CSMD1: variants seen among roughly 807,000 people sequenced by gnomAD.
The protein encoded by CSMD1 is CUB and Sushi multiple domains 1.
A neutral mutation model predicts 417.5 loss-of-function variants in CSMD1; 213 were observed. The observed-to-expected ratio is 0.51, with a 90% CI of 0.46 to 0.57. The LOEUF is 0.57. Among genes scored for constraint, CSMD1 ranks in the 20% least tolerant of loss-of-function variants. The pLI is 0.00. For synonymous variants in CSMD1, 2,862 were observed against 1,736.8 expected, an observed-to-expected ratio of 1.65 and a Z score of -16.11; for missense variants, 6,923 against 4,529.7, an observed-to-expected ratio of 1.53 and a Z score of -15.17.
At chr8:3,959,797 T>G (rs1391099292) in intron 5 of CSMD1, among the ~76,000 whole-genome samples, 1 of 152,164 alleles carries the variant, frequency 6.6e-6, no homozygotes, top group Non-Finnish European at 1.5e-5. Context: ...GCAGGTACTC[T>G]GACCTGTTAG....
chr8:4,714,095 A>G (rs1173798447), intron 1 of CSMD1, among the ~76,000 whole-genome samples: 1 of 152,110 alleles, frequency 6.6e-6, no homozygotes, highest in African/African-American at 2.4e-5. Flanking sequence ...CAGTGAGCCA[A>G]GATCATGCCA....
At chr8:4,831,854 C>T (rs940417576) in intron 1 of CSMD1, among the ~76,000 whole-genome samples, 2 of 152,016 alleles carry the variant, frequency 1.3e-5, no homozygotes, top group East Asian at 3.9e-4. Flanking sequence ...CAGTGTGTGC[C>T]ACATCCAGAA....
chr8:4,548,047 C>G (rs1242696907), intron 2 of CSMD1, among the ~76,000 whole-genome samples: 5 of 152,082 alleles, frequency 3.3e-5, no homozygotes, highest in Non-Finnish European at 5.9e-5. Flanking sequence ...ACAGCCAACC[C>G]TTGCAATATA....
intron 3 of CSMD1, among the ~76,000 whole-genome samples, chr8:4,061,196 G>C (rs1430688669): frequency 6.6e-6 from 1 of 152,134 alleles, no homozygotes; most frequent in Non-Finnish European, 1.5e-5. Flanking sequence ...TCTAACATGA[G>C]CCCTTTTAGG....
intron 1 of CSMD1, among the ~76,000 whole-genome samples, chr8:4,826,006 G>A (rs1433562104): frequency 6.6e-6 from 1 of 151,992 alleles, no homozygotes; most frequent in Non-Finnish European, 1.5e-5. Flanking sequence ...GGAGGATGTG[G>A]AGAAATTAGA....
intron 2 of CSMD1, among the ~76,000 whole-genome samples, chr8:4,630,702 G>A (rs1184441310): frequency 1.3e-5 from 2 of 152,118 alleles, no homozygotes; most frequent in Non-Finnish European, 2.9e-5. Flanking sequence ...AAACACCTCT[G>A]CTGTCCACCT....
At chr8:4,240,746 G>C (rs2128821426) in intron 3 of CSMD1, among the ~76,000 whole-genome samples, 1 of 151,944 alleles carries the variant, frequency 6.6e-6, no homozygotes, top group East Asian at 1.9e-4. Context: ...CCTTTTTTCT[G>C]TGCCCTTTGA....
intron 50 of CSMD1, among the ~76,000 whole-genome samples, chr8:3,039,510 C>T (rs954307919): frequency 6.7e-6 from 1 of 149,800 alleles, no homozygotes; most frequent in Admixed American, 6.7e-5. Flanking sequence ...TCCTTCTTTC[C>T]CTTCCTCCCT....
chr8:4,769,506 T>A (rs1044233718), intron 1 of CSMD1, among the ~76,000 whole-genome samples: 2 of 152,228 alleles, frequency 1.3e-5, no homozygotes, highest in African/African-American at 4.8e-5. Context: ...AAAAAAATTA[T>A]GAAATACTTA....
At chr8:3,718,535 T>C (rs1801968142) in intron 6 of CSMD1, among the ~76,000 whole-genome samples, 1 of 152,144 alleles carries the variant, frequency 6.6e-6, no homozygotes, top group African/African-American at 2.4e-5. Flanking sequence ...TCCTGATTGG[T>C]TATCAGAATC....
At chr8:3,011,650 A>T (rs116426065) in intron 52 of CSMD1, among the ~76,000 whole-genome samples, 2 of 152,208 alleles carry the variant, frequency 1.3e-5, no homozygotes, top group South Asian at 2.1e-4. Flanking sequence ...AAAAAATGAT[A>T]ATGTCCTCTA....
At position 4,288,131 on chromosome 8, in the gene CSMD1, G is replaced by A. The variant is rs917157826; in HGVS notation, c.415+131822C>T. Among the ~76,000 whole-genome samples, 5 of 152,130 alleles carry A rather than the reference G, an allele frequency of 3.3e-5. No homozygotes were observed. In the South Asian group the frequency reaches 1.0e-3, roughly 32 times the overall value. The stretch of plus-strand genomic sequence containing the variant: ...GCTAGCCATGCTTTCTGTTCCTGCA[G>A]CATTAAAGTTTGACTGAGAAAAGAA... On this transcript the variant is annotated intron_variant, in intron 3 of 69. Coordinates refer to ENST00000635120, the MANE Select transcript of CSMD1 (RefSeq NM_033225.6).
At chr8:3,058,282 T>C (rs2128992366) in intron 49 of CSMD1, among the ~76,000 whole-genome samples, 1 of 152,328 alleles carries the variant, frequency 6.6e-6, no homozygotes, top group Admixed American at 6.5e-5. Context: ...CTTCTTAAAA[T>C]TACTAGTACT....
rs150411962 is a variant in CSMD1 at position 4,734,569 on chromosome 8, G to C, written c.86-97011C>G. 1.7e-3 allele frequency among the ~76,000 whole-genome samples: 257 copies of C among 152,176 alleles called. 1 individual carries two copies. Among genetic ancestry groups the C allele is most frequent in the African/African-American group, 6.0e-3 (248 of 41,500 alleles). ...GTAGCGAAGTATAAGTAAATGCTGG[G>C]TATTAAATTATATGCTGTTTAACAA... On this transcript the variant is annotated intron_variant, in intron 1 of 69. Coordinates refer to ENST00000635120, the MANE Select transcript of CSMD1 (RefSeq NM_033225.6).
At chr8:4,124,009 G>A (rs186695232) in intron 3 of CSMD1, among the ~76,000 whole-genome samples, 10 of 152,098 alleles carry the variant, frequency 6.6e-5, no homozygotes, top group East Asian at 1.9e-4. Context: ...AATATTAATG[G>A]ATTATCTAAC....
chr8:4,836,656 T>G (rs146770591), intron 1 of CSMD1, among the ~76,000 whole-genome samples: 2 of 152,334 alleles, frequency 1.3e-5, no homozygotes, highest in African/African-American at 4.8e-5. Flanking sequence ...TACTTAATGA[T>G]GCTTTGAAAT....
At chr8:4,024,147 A>T (rs1796939562) in intron 4 of CSMD1, among the ~76,000 whole-genome samples, 1 of 152,168 alleles carries the variant, frequency 6.6e-6, no homozygotes, top group African/African-American at 2.4e-5. Context: ...TTAAAGAAAT[A>T]CAGCATAAAG....
At chr8:4,614,774 A>G (rs1046130010) in intron 2 of CSMD1, among the ~76,000 whole-genome samples, 2 of 152,180 alleles carry the variant, frequency 1.3e-5, no homozygotes, top group Non-Finnish European at 2.9e-5. Flanking sequence ...AATTTAGACT[A>G]CAATATGTCT....
chr8:3,650,925 C>G (rs780488877), intron 7 of CSMD1, among the ~76,000 whole-genome samples: 25 of 152,170 alleles, frequency 1.6e-4, no homozygotes, highest in Admixed American at 3.3e-4. Flanking sequence ...GTCTCTCCGA[C>G]TCCGATCTTG....
Sources: gnomAD v4.1 joint callset for allele counts (sites outside exome capture counted in the v4.1 genomes callset) on GRCh38, gnomAD v4.1.1 for gene constraint, MANE v1.5 for transcripts, NCBI Gene and HGNC (gene_info 2026-07-23, HGNC 2026-07-21) for gene names.